SCAI: variants seen among roughly 807,000 people sequenced by gnomAD.
SCAI encodes the protein suppressor of cancer cell invasion, also known as protein SCAI.
A neutral mutation model predicts 92.2 loss-of-function variants in SCAI; 24 were observed. The ratio of observed to expected loss-of-function variants is 0.26; its 90% CI spans 0.19 to 0.37. The LOEUF (loss-of-function observed/expected upper bound fraction) is 0.37. SCAI is among the 10% of genes least tolerant of loss of function. SCAI has a pLI of 1.00. For missense variants in SCAI, 450 were observed against 736.2 expected (o/e 0.61, Z 4.50); for synonymous variants, 261 against 258.6 (o/e 1.01, Z -0.09).
intron 14 of SCAI, among the ~76,000 whole-genome samples, chr9:124,987,180 T>C (rs367796722): frequency 2.6e-5 from 4 of 152,058 alleles, no homozygotes; most frequent in Admixed American, 2.0e-4. Flanking sequence ...TGTGCCACCA[T>C]GCCTAGCTAA....
intron 17 of SCAI, chr9:124,968,781 G>T: frequency 1.1e-6 from 1 of 875,718 alleles, no homozygotes; most frequent in South Asian, 1.4e-5. Context: ...GGGTGCGCAG[G>T]CCACGGCGAT....
intron 3 of SCAI, among the ~76,000 whole-genome samples, chr9:125,046,027 C>T (rs1028862675): frequency 9.9e-5 from 15 of 151,046 alleles, no homozygotes; most frequent in African/African-American, 3.4e-4. Flanking sequence ...AGTAAAACTA[C>T]CATTTGATCC....
At chr9:125,047,728 A>G (rs1041645167) in intron 3 of SCAI, among the ~76,000 whole-genome samples, 8 of 152,234 alleles carry the variant, frequency 5.3e-5, no homozygotes, top group African/African-American at 1.9e-4. Context: ...ACTTGAATGT[A>G]GTTAATCTGA....
chr9:125,030,438 G>A (rs534697294), intron 3 of SCAI, among the ~76,000 whole-genome samples: 1 of 152,178 alleles, frequency 6.6e-6, no homozygotes, highest in Non-Finnish European at 1.5e-5. Flanking sequence ...ACATTTAACA[G>A]TGCCCCAAAA....
chr9:125,002,499 T>TTTTTTTTTTTTTTTTTTG (rs1554779235), intron 11 of SCAI, among the ~76,000 whole-genome samples: 4 of 147,220 alleles, frequency 2.7e-5, no homozygotes, highest in African/African-American at 1.0e-4. Flanking sequence ...TTTTTTTTTT[T>TTTTTTTTTTTTTTTTTTG]GAAACAGAGT....
intron 2 of SCAI, among the ~76,000 whole-genome samples, chr9:125,083,072 G>A (rs1834254427): frequency 6.6e-6 from 1 of 152,222 alleles, no homozygotes; most frequent in Non-Finnish European, 1.5e-5. Context: ...CCCATGTGTT[G>A]TGGGAGGGAC....
chr9:125,003,199 G>C lies in SCAI; in HGVS notation c.980C>G (p.Pro327Arg), dbSNP rs1297646190. Residue 327 changes from proline (P) to arginine (R), a missense_variant, in exon 11 of 18, where the codon CCT becomes CGT. Pro to Arg is a moderately radical substitution (Grantham distance 103). Around this residue, in one of 3 missense-constraint regions of SCAI, gnomAD observed 360 missense variants for 601.8 expected, o/e 0.60. Coordinates refer to ENST00000336505, the MANE Select transcript of SCAI (RefSeq NM_001144877.3). The stretch of plus-strand genomic sequence containing the variant: ...CTTGTGGGGGTTTTCTCGTCTAGTA[G>C]GCTTGTCAGCTGATTCCTATATTTA... ...KPGMQESADK[P>R]TRRENPHKYL... 2.5e-6 allele frequency: 4 copies of C among 1,613,214 alleles called. No individual in the cohort carries two copies. Among genetic ancestry groups the C allele is most frequent in the Non-Finnish European group, 3.4e-6 (4 of 1,179,224 alleles).
chr9:125,107,383 T>C (rs1341715258), intron 2 of SCAI, among the ~76,000 whole-genome samples: 1 of 143,318 alleles, frequency 7.0e-6, no homozygotes, highest in East Asian at 2.0e-4. Flanking sequence ...CACTCCAGCC[T>C]GGCGACAGAG....
intron 2 of SCAI, among the ~76,000 whole-genome samples, chr9:125,139,719 G>A (rs894563086): frequency 2.0e-5 from 3 of 152,154 alleles, no homozygotes; most frequent in Admixed American, 6.6e-5. Flanking sequence ...AGCACAGAGG[G>A]ATCCTAAGCA....
At chr9:125,016,462 A>G (rs191863567) in intron 9 of SCAI, among the ~76,000 whole-genome samples, 127 of 151,758 alleles carry the variant, frequency 8.4e-4, no homozygotes, top group African/African-American at 2.9e-3. Flanking sequence ...CAAAATAGGA[A>G]GAAGGAAATA....
At chr9:125,069,334 T>C (rs1833932397) in intron 2 of SCAI, among the ~76,000 whole-genome samples, 1 of 151,956 alleles carries the variant, frequency 6.6e-6, no homozygotes, top group Non-Finnish European at 1.5e-5. Context: ...TTTTTTTTTT[T>C]TGAGACGGAG....
intron 15 of SCAI, among the ~76,000 whole-genome samples, chr9:124,973,719 C>T (rs1380263279): frequency 2.0e-5 from 3 of 152,078 alleles, no homozygotes; most frequent in East Asian, 1.9e-4. Context: ...CCCAGCTTCT[C>T]GGGACGCTGA....
chr9:125,061,928 T>C (rs1039926260), intron 2 of SCAI, among the ~76,000 whole-genome samples: 1 of 152,038 alleles, frequency 6.6e-6, no homozygotes, highest in Non-Finnish European at 1.5e-5. Context: ...AGGAGATGCA[T>C]GGGTAAATAT....
intron 6 of SCAI, among the ~76,000 whole-genome samples, chr9:125,024,434 C>T (rs915074645): frequency 6.6e-6 from 1 of 152,030 alleles, no homozygotes; most frequent in African/African-American, 2.4e-5. Flanking sequence ...TGCCACCACG[C>T]CCGGCTAATT....
intron 9 of SCAI, among the ~76,000 whole-genome samples, chr9:125,016,944 T>C (rs992859237): frequency 4.6e-5 from 7 of 152,102 alleles, no homozygotes; most frequent in Non-Finnish European, 1.0e-4. Flanking sequence ...TAGATACTAA[T>C]AAATATTTTA....
intron 17 of SCAI, among the ~76,000 whole-genome samples, chr9:124,969,338 G>A (rs947055983): frequency 1.3e-5 from 2 of 151,880 alleles, no homozygotes; most frequent in Admixed American, 6.6e-5. Flanking sequence ...TTTTTTAACT[G>A]TTCAGGCATA....
chr9:124,986,906 T>C (rs1832004592), intron 14 of SCAI, among the ~76,000 whole-genome samples: 1 of 152,212 alleles, frequency 6.6e-6, no homozygotes, highest in South Asian at 2.1e-4. Context: ...TAAATACTCC[T>C]GTTTTGACAA....
intron 2 of SCAI, among the ~76,000 whole-genome samples, chr9:125,067,138 G>A (rs1296410129): frequency 6.6e-6 from 1 of 152,162 alleles, no homozygotes; most frequent in Non-Finnish European, 1.5e-5. Context: ...ACACTTGTGG[G>A]AAGCACATGG....
At chr9:125,065,265 T>C (rs1833851367) in intron 2 of SCAI, among the ~76,000 whole-genome samples, 1 of 150,110 alleles carries the variant, frequency 6.7e-6, no homozygotes, top group African/African-American at 2.5e-5. Flanking sequence ...AAAAAAGGAG[T>C]ATCACTGCTG....
Sources: allele counts gnomAD v4.1 joint callset (sites outside exome capture counted in the v4.1 genomes callset), GRCh38; gene constraint gnomAD v4.1.1; regional missense constraint gnomAD v4.1.1; transcripts MANE v1.5; gene names NCBI Gene and HGNC (gene_info 2026-07-23, HGNC 2026-07-21).